The following LZTR1 variants were observed in gnomAD, a reference collection of about 807,000 sequenced individuals.
The protein encoded by LZTR1 is leucine zipper like post translational regulator 1, also known as leucine-zipper-like transcriptional regulator 1.
LZTR1 carries 260 observed loss-of-function variants against 105.7 expected under a neutral mutation model. The observed-to-expected ratio is 2.46, with a 90% CI of 2.22 to 2.72. LZTR1 has a LOEUF of 2.72. Ranked by LOEUF, LZTR1 falls within the 30% of genes most tolerant of loss-of-function variation. The probability of loss-of-function intolerance (pLI) is 0.00; values close to 1 mark genes in which losing one functional copy is unlikely to be tolerated. For missense variants in LZTR1, 1,214 were observed against 1,166.9 expected, an observed-to-expected ratio of 1.04 and a Z score of -0.59; for synonymous variants, 490 against 476.4, an observed-to-expected ratio of 1.03 and a Z score of -0.37.
rs375112666 is a variant in LZTR1, at chr22:20,995,732, C to G, written c.1943-14C>G. ...TCCCAGGCTGTACCTGCTCAGGGACCCTCCTACCCCCAGGCACATCTCTGA... is the reference window on the plus strand; with the variant it reads ...TCCCAGGCTGTACCTGCTCAGGGACGCTCCTACCCCCAGGCACATCTCTGA... On this transcript the variant is annotated splice_polypyrimidine_tract_variant and intron_variant, in intron 16 of 20. Coordinates refer to ENST00000646124, the MANE Select transcript of LZTR1 (RefSeq NM_006767.4). 1 of 1,613,244 alleles carries G rather than the reference C, an allele frequency of 6.2e-7. No individual in the cohort carries two copies. Among genetic ancestry groups the G allele is most frequent in the East Asian group, 2.2e-5 (1 of 44,858 alleles).
At position 20,995,884 on chromosome 22, in the gene LZTR1, C is replaced by T. The variant is rs748781545; in HGVS notation, c.2069+12C>T. The stretch of plus-strand genomic sequence containing the variant: ...GCCGCCCGCTCCAGGTGGGTGGGGG[C>T]TGGACAGGAGGGGAGGGTGGGCCTG... On this transcript the variant is annotated intron_variant, in intron 17 of 20. Coordinates refer to ENST00000646124, the MANE Select transcript of LZTR1 (RefSeq NM_006767.4). 6.2e-6 allele frequency: 10 copies of T among 1,612,698 alleles called. No individual in the cohort carries two copies. Among genetic ancestry groups the T allele is most frequent in the Non-Finnish European group, 7.6e-6 (9 of 1,179,936 alleles).
rs762992496 is a variant in LZTR1, at chr22:20,983,060, T to C, written c.234T>C (p.Asp78=). The C allele has an allele frequency of 2.5e-5, 41 of 1,614,016 alleles. No homozygotes were observed. The highest frequency in any genetic ancestry group is 3.4e-5 in the Non-Finnish European group (40 of 1,179,974). ...RSKHTVVAYK[D]AIYVFGGDNG... ...AGCACACAGTGGTGGCCTATAAAGA[T>C]GCCATTTATGTATTTGGTGGAGACA... Residue 78 remains aspartate, a synonymous_variant, in exon 2 of 21, where the codon GAT becomes GAC. Coordinates refer to ENST00000646124, the MANE Select transcript of LZTR1 (RefSeq NM_006767.4).
Position 20,982,358 on chromosome 22 carries a change from G to A in LZTR1, c.-14G>A, listed in dbSNP as rs771854135. ...GTTGGGCTTACAGCGCGGCCGATCCGGCGTGGACCCGGGATGGCTGGACCG... is the reference window on the plus strand; with the variant it reads ...GTTGGGCTTACAGCGCGGCCGATCCAGCGTGGACCCGGGATGGCTGGACCG... On this transcript the variant is annotated 5_prime_UTR_variant, in exon 1 of 21. Transcript: ENST00000646124. The A allele has an allele frequency of 3.4e-5, 52 of 1,544,744 alleles. No individual in the cohort carries two copies. The highest frequency in any genetic ancestry group is 4.3e-5 in the Non-Finnish European group (49 of 1,143,468).
Position 20,992,282 on chromosome 22 carries a change from G to A in LZTR1, c.1062G>A (p.Glu354=), listed in dbSNP as rs1924634284. 1.2e-6 allele frequency: 2 copies of A among 1,613,900 alleles called. No homozygotes were observed. The highest frequency in any genetic ancestry group is 1.1e-5 in the South Asian group (1 of 91,094). Residue 354 remains glutamate (E), a synonymous_variant, in exon 10 of 21, where the codon GAG becomes GAA. Transcript: ENST00000646124. ...AGGTGCCCACCCTGACCTATGAGGA[G>A]CGGGTTGGCTTCAAGAAGTCCCGAG... The part of the protein sequence containing the change: ...SEEVPTLTYE[E]RVGFKKSRDV...
chr22:20,993,052 C>A, intron 11 of LZTR1, 148 bp downstream of exon 11: 1 of 630,662 alleles, frequency 1.6e-6, no homozygotes, highest in Admixed American at 3.0e-5. Context: ...GCCCTGTGGG[C>A]TGAGGGTGGG....
At chr22:20,996,527 T>G in intron 18 of LZTR1, 169 bp from the exon 19 acceptor site, 1 of 619,198 alleles carries the variant, frequency 1.6e-6, no homozygotes, top group Admixed American at 2.9e-5. Flanking sequence ...GGATTCATGG[T>G]TTTCTTTGGA....
chr22:20,994,192 T>C lies in LZTR1; in HGVS notation c.1538T>C (p.Ile513Thr), dbSNP rs755711196. ...CGGCCGCCCCTGCTGCACGTGGCCA[T>C]CCGGGAGGCCGAGGCCCGGCCCTTC... The part of the protein sequence containing the change: ...GARPPLLHVA[I>T]REAEARPFEV... The change falls in exon 14 of 21, where the codon ATC becomes ACC. Residue 513 changes from isoleucine (I) to threonine (T), a missense_variant. Ile to Thr is a moderately conservative substitution (Grantham distance 89). Transcript: ENST00000646124. 1.9e-6 allele frequency: 3 copies of C among 1,603,664 alleles called. No homozygotes were observed. The highest frequency in any genetic ancestry group is 2.7e-5 in the African/African-American group (2 of 74,998).
chr22:20,990,860 A>C (rs939844594), intron 8 of LZTR1: 1 of 243,028 alleles, frequency 4.1e-6, no homozygotes, highest in African/African-American at 2.3e-5. Flanking sequence ...AGAAGACCAG[A>C]GGGGCCTGCA....
intron 18 of LZTR1, 110 bp from the exon 19 acceptor site, chr22:20,996,586 G>T: frequency 1.3e-6 from 1 of 794,312 alleles, no homozygotes; most frequent in South Asian, 1.6e-5. Context: ...TCCATTTGGA[G>T]AGCATGCTGG....
chr22:20,989,805 G>A, intron 7 of LZTR1, 123 bp downstream of exon 7: 2 of 1,049,530 alleles, frequency 1.9e-6, no homozygotes, highest in Non-Finnish European at 2.8e-6. Context: ...GTGGGAGGCA[G>A]GGGGAGCCAG....
Position 20,993,770 on chromosome 22 carries a change from C to T in LZTR1, c.1353+16C>T, listed in dbSNP as rs143592070. 63 of 1,607,226 alleles carry T rather than the reference C, an allele frequency of 3.9e-5. No homozygotes were observed. The highest frequency in any genetic ancestry group is 3.4e-4 in the East Asian group (15 of 44,752). On this transcript the variant is annotated intron_variant, in intron 12 of 20. Coordinates refer to ENST00000646124, the MANE Select transcript of LZTR1 (RefSeq NM_006767.4). The stretch of plus-strand genomic sequence containing the variant: ...GCTGGGTGAGGTGGGTGCCTGTCCT[C>T]GCACCCTGCTCTGCCTGCTGTGCCT...
Position 20,990,616 on chromosome 22 carries a change from A to G in LZTR1, c.791+91A>G, listed in dbSNP as rs178290. On this transcript the variant is annotated intron_variant, in intron 8 of 20. Transcript: ENST00000646124. ...AGAACGCCTCTTGCACCTGGTGGCCATGGTAACCATCCTTGTGAGCTCTGC... is the reference window on the plus strand; with the variant it reads ...AGAACGCCTCTTGCACCTGGTGGCCGTGGTAACCATCCTTGTGAGCTCTGC... 0.76 allele frequency: 1,027,281 copies of G among 1,359,724 alleles called. 389,877 individuals carry two copies. Among genetic ancestry groups the G allele is most frequent in the Admixed American group, 0.85 (43,101 of 50,488 alleles). The allele number at this position is 1,359,724 out of a possible 1,614,324, so 84.2% of individuals were successfully genotyped here.
chr22:20,986,691 G>A (rs912775685), intron 3 of LZTR1: 1 of 152,144 alleles, frequency 6.6e-6, no homozygotes, highest in Non-Finnish European at 1.5e-5. Context: ...ATAGATGATG[G>A]ATATATAGAT....
At chr22:20,996,862 GCCT>G (rs1924873868) in intron 19 of LZTR1, 21 bp from the exon 20 acceptor site, 2 of 1,612,184 alleles carry the variant, frequency 1.2e-6, no homozygotes, top group Non-Finnish European at 8.5e-7. Flanking sequence ...AAGGGGCAGC[GCCT>G]CAAGGTCCCT....
intron 20 of LZTR1, 33 bp from the exon 21 acceptor site, chr22:20,997,199 G>T (rs374193053): frequency 4.0e-5 from 57 of 1,436,350 alleles, no homozygotes; most frequent in Non-Finnish European, 5.4e-5. Flanking sequence ...GGTGGATCTG[G>T]TCCCATCTCC....
chr22:20,988,907 GACA>G, intron 6 of LZTR1, 35 bp downstream of exon 6: 1 of 1,576,246 alleles, frequency 6.3e-7, no homozygotes, highest in Non-Finnish European at 8.7e-7. Context: ...CCCCACCTCC[GACA>G]GCACTGAGAC....
intron 5 of LZTR1, 130 bp downstream of exon 5, chr22:20,988,248 G>T: frequency 1.6e-6 from 1 of 641,094 alleles, no homozygotes. Context: ...GGGATTGGTG[G>T]AATATCCCCC....
chr22:20,994,343 G>T, intron 14 of LZTR1, 74 bp downstream of exon 14: 2 of 1,502,868 alleles, frequency 1.3e-6, no homozygotes, highest in East Asian at 2.3e-5. Context: ...GGTGGGTGCT[G>T]CCAGCCCTGC....
intron 6 of LZTR1, among the ~76,000 whole-genome samples, 180 bp downstream of exon 6, chr22:20,989,052 G>A (rs1311627102): frequency 6.6e-6 from 1 of 152,206 alleles, no homozygotes; most frequent in Non-Finnish European, 1.5e-5. Flanking sequence ...GACAGATGGA[G>A]GTGAGGGCCA....
Sources: gnomAD v4.1 joint callset for allele counts (sites outside exome capture counted in the v4.1 genomes callset) on GRCh38, gnomAD v4.1.1 for gene constraint, MANE v1.5 for transcripts, NCBI Gene and HGNC (gene_info 2026-07-23, HGNC 2026-07-21) for gene names.